Variants in SLC25A48 observed in about 807,000 individuals in gnomAD.
The protein encoded by SLC25A48 is CTC-321K16.1.
Under a neutral mutation model 32.2 loss-of-function variants are expected in SLC25A48, and 29 were observed. That is an observed-to-expected ratio of 0.90 (90% CI 0.67 to 1.23). SLC25A48 has a LOEUF of 1.23. Among genes scored for constraint, SLC25A48 ranks in the 50% most tolerant of loss-of-function variants. The pLI is 0.00. For synonymous variants in SLC25A48, 164 were observed against 172.3 expected, an observed-to-expected ratio of 0.95 and a Z score of 0.38; for missense variants, 399 against 422.7, an observed-to-expected ratio of 0.94 and a Z score of 0.49.
chr5:135,790,600 T>C lies in SLC25A48; in HGVS notation c.-520-21923T>C, dbSNP rs568843607. On this transcript the variant is annotated intron_variant, in intron 3 of 10. Transcript: ENST00000646290. ...TGGGTGTACACCATATGTGATGTTA[T>C]TTGTAATATCCTGGCGAGATGTTAC... 3.2e-5 allele frequency among the ~76,000 whole-genome samples: 4 copies of C among 126,946 alleles called. No homozygotes were observed. The South Asian group carries it at 7.2e-4, about 23-fold the overall frequency. 83.3% of individuals were successfully genotyped at this position (126,946 alleles called of 152,430 possible).
At chr5:135,777,973 T>C (rs143532889) in intron 3 of SLC25A48, among the ~76,000 whole-genome samples, 2 of 151,912 alleles carry the variant, frequency 1.3e-5, no homozygotes, top group African/African-American at 2.4e-5. Flanking sequence ...ACTGCCAATA[T>C]CGCAAATGGT....
At chr5:135,711,415 C>G (rs900493038) in intron 3 of SLC25A48, among the ~76,000 whole-genome samples, 2 of 152,142 alleles carry the variant, frequency 1.3e-5, no homozygotes, top group African/African-American at 4.8e-5. Context: ...CCATTCGTAG[C>G]TTCAAATATG....
rs772921182 is a variant in SLC25A48, at chr5:135,834,837, G to A, written c.-11G>A. 14 of 1,592,874 alleles carry A rather than the reference G, an allele frequency of 8.8e-6. No individual in the cohort carries two copies. The highest frequency in any genetic ancestry group is 9.4e-6 in the Non-Finnish European group (11 of 1,170,354). On this transcript the variant is annotated 5_prime_UTR_variant, in exon 1 of 8. Transcript: ENST00000681962. ...GCCCCGGCTCCGGGAGGGCGAGACCGAGCGCCGGCCATGGGAAGCTTCCAG... is the reference window on the plus strand; with the variant it reads ...GCCCCGGCTCCGGGAGGGCGAGACCAAGCGCCGGCCATGGGAAGCTTCCAG...
chr5:135,825,495 G>T (rs1298388572), intron 4 of SLC25A48, among the ~76,000 whole-genome samples: 1 of 152,154 alleles, frequency 6.6e-6, no homozygotes, highest in Non-Finnish European at 1.5e-5. Context: ...ATGGGTGAGT[G>T]ACATTGCTGA....
intron 6 of SLC25A48, among the ~76,000 whole-genome samples, chr5:135,879,599 A>G (rs1004254170): frequency 2.2e-5 from 3 of 139,206 alleles, no homozygotes; most frequent in African/African-American, 9.2e-5. Context: ...AGAGAGAGAG[A>G]GAGAGAGAGA....
At chr5:135,700,110 C>T (rs1754355965) in intron 3 of SLC25A48, among the ~76,000 whole-genome samples, 3 of 152,074 alleles carry the variant, frequency 2.0e-5, no homozygotes, top group Non-Finnish European at 4.4e-5. Flanking sequence ...GGGCTGAGCA[C>T]TGTGGCTCAT....
chr5:135,643,991 G>C (rs1010912358), intron 3 of SLC25A48, among the ~76,000 whole-genome samples: 1 of 152,206 alleles, frequency 6.6e-6, no homozygotes, highest in Non-Finnish European at 1.5e-5. Flanking sequence ...CTCTTTATTA[G>C]AGCCAGAGGA....
intron 3 of SLC25A48, among the ~76,000 whole-genome samples, chr5:135,695,323 A>G (rs1754240525): frequency 6.6e-6 from 1 of 152,160 alleles, no homozygotes; most frequent in South Asian, 2.1e-4. Context: ...TTTCTTGCTT[A>G]CTGTCAATCT....
At chr5:135,822,990 C>A (rs571187203) in intron 4 of SLC25A48, among the ~76,000 whole-genome samples, 1 of 152,210 alleles carries the variant, frequency 6.6e-6, no homozygotes, top group African/African-American at 2.4e-5. Context: ...GGTTCCTGCT[C>A]ACCAGAAGCT....
chr5:135,776,728 C>T (rs1380598643), intron 3 of SLC25A48, among the ~76,000 whole-genome samples: 7 of 149,896 alleles, frequency 4.7e-5, no homozygotes, highest in Admixed American at 6.7e-5. Context: ...TCCTAAAACC[C>T]GGGGGGTGGG....
At chr5:135,646,894 T>C (rs1489105932) in intron 3 of SLC25A48, among the ~76,000 whole-genome samples, 2 of 151,502 alleles carry the variant, frequency 1.3e-5, no homozygotes, top group Non-Finnish European at 2.9e-5. Flanking sequence ...CTAGAGATCA[T>C]GGTAACTATA....
At chr5:135,776,248 GATATTGTTCCTC>G (rs1426093559) in intron 3 of SLC25A48, among the ~76,000 whole-genome samples, 1 of 143,422 alleles carries the variant, frequency 7.0e-6, no homozygotes, top group Admixed American at 7.1e-5. Context: ...CCTACCAGAG[GATATTGTTCCTC>G]ATATCTGGGG....
intron 3 of SLC25A48, among the ~76,000 whole-genome samples, chr5:135,753,633 C>G (rs1335066951): frequency 6.6e-6 from 1 of 151,814 alleles, no homozygotes; most frequent in African/African-American, 2.4e-5. Flanking sequence ...GGTGCACACC[C>G]ACAGTGATAT....
chr5:135,584,661 A>G (rs1751320405), intron 1 of SLC25A48, among the ~76,000 whole-genome samples: 1 of 152,224 alleles, frequency 6.6e-6, no homozygotes, highest in Non-Finnish European at 1.5e-5. Flanking sequence ...TAAAATTCTC[A>G]TAATGGAGAA....
chr5:135,861,315 A>G (rs530178841), intron 4 of SLC25A48, among the ~76,000 whole-genome samples: 28 of 78,776 alleles, frequency 3.6e-4, no homozygotes, highest in East Asian at 6.0e-4. Context: ...ATACACACGC[A>G]CACACACACA....
chr5:135,597,283 A>C (rs544350664), intron 1 of SLC25A48, among the ~76,000 whole-genome samples: 11 of 152,328 alleles, frequency 7.2e-5, no homozygotes, highest in African/African-American at 2.6e-4. Context: ...GGATACAGGG[A>C]ATGAAGTACT....
intron 1 of SLC25A48, among the ~76,000 whole-genome samples, chr5:135,580,957 G>C (rs1452501437): frequency 6.6e-6 from 1 of 152,180 alleles, no homozygotes; most frequent in African/African-American, 2.4e-5. Context: ...AGGCCGGGTA[G>C]TATAATGGCT....
intron 3 of SLC25A48, chr5:135,653,781 T>A: frequency 2.2e-6 from 1 of 456,136 alleles, no homozygotes; most frequent in Non-Finnish European, 4.4e-6. Flanking sequence ...GCCATGTCCA[T>A]GATGGGTGGC....
chr5:135,841,715 G>C (rs953219603), intron 1 of SLC25A48, among the ~76,000 whole-genome samples: 2 of 150,056 alleles, frequency 1.3e-5, no homozygotes, highest in South Asian at 2.2e-4. Flanking sequence ...GTGGGTGGGG[G>C]GTATAAAACA....
Sources: allele counts gnomAD v4.1 joint callset (sites outside exome capture counted in the v4.1 genomes callset), GRCh38; gene constraint gnomAD v4.1.1; transcripts MANE v1.5; gene names NCBI Gene and HGNC (gene_info 2026-07-23, HGNC 2026-07-21).